Variants in DLGAP2 observed in about 807,000 individuals in gnomAD.
DLGAP2 encodes the protein disks large-associated protein 2.
A neutral mutation model predicts 100.3 loss-of-function variants in DLGAP2; 26 were observed. The observed-to-expected ratio is 0.26, with a 90% confidence interval of 0.19 to 0.36. The LOEUF is 0.36. Among genes scored for constraint, DLGAP2 ranks in the 10% least tolerant of loss-of-function variants. The probability of loss-of-function intolerance (pLI) is 1.00; values close to 1 mark genes in which losing one functional copy is unlikely to be tolerated. For synonymous variants in DLGAP2, 886 were observed against 630.1 expected (o/e 1.41, Z -6.08); for missense variants, 1,858 against 1,453.2 (o/e 1.28, Z -4.53).
chr8:1,252,072 C>T (rs189908792), intron 2 of DLGAP2, among the ~76,000 whole-genome samples: 8 of 138,322 alleles, frequency 5.8e-5, no homozygotes, highest in East Asian at 4.2e-4. Context: ...ACTGTGTTGT[C>T]GTGTGGGTGT....
intron 2 of DLGAP2, among the ~76,000 whole-genome samples, chr8:1,199,126 A>G (rs1797815671): frequency 6.6e-6 from 1 of 152,260 alleles, no homozygotes; most frequent in East Asian, 1.9e-4. Context: ...ACACACATAC[A>G]CACAACAACA....
rs575138989 is a variant in DLGAP2 at position 1,315,965 on chromosome 8, C to T, written c.106+57082C>T. On this transcript the variant is annotated intron_variant, in intron 3 of 14. Coordinates refer to ENST00000637795, the MANE Select transcript of DLGAP2 (RefSeq NM_001346810.2). The stretch of plus-strand genomic sequence containing the variant: ...CCAACAGTGGTCTACACTCGAGAAA[C>T]TTCGCAGCTTTTAAAAATAGAGGCT... Among the ~76,000 whole-genome samples the T allele has an allele frequency of 5.1e-3, 697 of 135,568 alleles. 27 individuals carry two copies. The highest frequency in any genetic ancestry group is 0.018 in the African/African-American group (673 of 38,124). The allele number at this position is 135,568 out of a possible 152,430, so 88.9% of individuals were successfully genotyped here. A position where few individuals can be genotyped will look rare whatever the true frequency, so the allele number is the denominator to read the frequency against.
intron 3 of DLGAP2, among the ~76,000 whole-genome samples, chr8:1,357,734 G>A (rs1184911039): frequency 2.6e-5 from 4 of 152,334 alleles, no homozygotes; most frequent in Admixed American, 1.3e-4. Context: ...CACACCAGAA[G>A]CCTCCAGCAA....
At chr8:1,293,616 A>G (rs1800107194) in intron 3 of DLGAP2, among the ~76,000 whole-genome samples, 1 of 152,196 alleles carries the variant, frequency 6.6e-6, no homozygotes, top group East Asian at 1.9e-4. Flanking sequence ...TCAGCCATTA[A>G]CCTCCAATTT....
chr8:1,025,944 AGCACCTGGGAC>A (rs1801785833), intron 2 of DLGAP2, among the ~76,000 whole-genome samples: 1 of 152,188 alleles, frequency 6.6e-6, no homozygotes, highest in Non-Finnish European at 1.5e-5. Flanking sequence ...GGGAGCAGGG[AGCACCTGGGAC>A]GCACATCTGG....
intron 2 of DLGAP2, among the ~76,000 whole-genome samples, chr8:1,109,122 C>T (rs1287415266): frequency 2.1e-5 from 2 of 95,564 alleles, no homozygotes; most frequent in African/African-American, 7.9e-5. Context: ...GAGGTGTGCA[C>T]GTGCCTATGA....
At chr8:1,096,652 G>A (rs912269107) in intron 2 of DLGAP2, among the ~76,000 whole-genome samples, 4 of 149,314 alleles carry the variant, frequency 2.7e-5, no homozygotes, top group African/African-American at 9.9e-5. Flanking sequence ...GCTCAGTAGA[G>A]TGGAGCTGGG....
intron 2 of DLGAP2, among the ~76,000 whole-genome samples, chr8:974,415 A>G (rs1222493747): frequency 6.6e-6 from 1 of 152,246 alleles, no homozygotes. Flanking sequence ...AATTCTGTCT[A>G]TAGATGACTT....
chr8:973,614 G>A (rs1800079815), intron 2 of DLGAP2, among the ~76,000 whole-genome samples: 2 of 152,256 alleles, frequency 1.3e-5, no homozygotes, highest in Admixed American at 1.3e-4. Context: ...GCAGGCGGCT[G>A]GGAGGTGGAG....
intron 1 of DLGAP2, among the ~76,000 whole-genome samples, chr8:816,093 G>A (rs552895450): frequency 1.3e-5 from 2 of 152,140 alleles, no homozygotes; most frequent in Non-Finnish European, 2.9e-5. Flanking sequence ...TTAAGTTTAT[G>A]TGAGTCCTTA....
intron 8 of DLGAP2, among the ~76,000 whole-genome samples, chr8:1,642,741 C>G (rs367631811): frequency 4.4e-5 from 1 of 22,644 alleles, no homozygotes; most frequent in African/African-American, 6.4e-5. Flanking sequence ...GTGTCACCCT[C>G]GAACCCGCCG....
chr8:911,316 G>A lies in DLGAP2; in HGVS notation c.73+3350G>A, dbSNP rs113897771. ...ATGCTGGAGAATCTTGGAAGGATGC[G>A]TGTATATGTTGGAAGGACGCATGTA... is the stretch of plus-strand genomic sequence containing the variant. On this transcript the variant is annotated intron_variant, in intron 2 of 14. Transcript: ENST00000637795. Among the ~76,000 whole-genome samples, 224 of 151,524 alleles carry A rather than the reference G, an allele frequency of 1.5e-3. 2 individuals are homozygous for A. The highest frequency in any genetic ancestry group is 4.8e-3 in the African/African-American group (198 of 41,308).
intron 12 of DLGAP2, among the ~76,000 whole-genome samples, chr8:1,682,555 A>G (rs1413051114): frequency 6.6e-6 from 1 of 151,800 alleles, no homozygotes; most frequent in African/African-American, 2.4e-5. Context: ...GCTCACTGCA[A>G]CCTCAGCCTC....
chr8:1,227,949 T>A (rs1798455529), intron 2 of DLGAP2, among the ~76,000 whole-genome samples: 1 of 152,230 alleles, frequency 6.6e-6, no homozygotes, highest in Non-Finnish European at 1.5e-5. Context: ...AGATGATGGA[T>A]ATGTTATTTT....
chr8:773,847 C>A (rs1821435619), intron 1 of DLGAP2, among the ~76,000 whole-genome samples: 3 of 152,148 alleles, frequency 2.0e-5, no homozygotes. Context: ...ATTTATAGTC[C>A]TTTGGGTATA....
At chr8:1,417,727 A>ACGGGGAGGCCACACTCCTGCGTCACT in intron 3 of DLGAP2, among the ~76,000 whole-genome samples, 1 of 111,516 alleles carries the variant, frequency 9.0e-6, no homozygotes, top group Non-Finnish European at 2.0e-5. Flanking sequence ...GAGGCTCCAG[A>ACGGGGAGGCCACACTCCTGCGTCACT]CACAGAAGCC....
At chr8:865,594 T>G (rs1797479332) in intron 1 of DLGAP2, among the ~76,000 whole-genome samples, 1 of 152,192 alleles carries the variant, frequency 6.6e-6, no homozygotes, top group Admixed American at 6.5e-5. Flanking sequence ...ATTGCTCACC[T>G]CTCTCCAGCA....
intron 2 of DLGAP2, among the ~76,000 whole-genome samples, chr8:1,000,705 C>T (rs753081465): frequency 6.6e-6 from 1 of 152,182 alleles, no homozygotes; most frequent in Non-Finnish European, 1.5e-5. Context: ...AAATTCTTCT[C>T]CAAGGTATTT....
intron 2 of DLGAP2, among the ~76,000 whole-genome samples, chr8:1,247,319 A>C (rs1375293206): frequency 1.9e-5 from 2 of 103,950 alleles, no homozygotes; most frequent in Non-Finnish European, 3.9e-5. Context: ...TCAGTGTGGG[A>C]GTGATGGTCC....
Sources: gnomAD v4.1 joint callset for allele counts (sites outside exome capture counted in the v4.1 genomes callset) on GRCh38, gnomAD v4.1.1 for gene constraint, MANE v1.5 for transcripts, NCBI Gene and HGNC (gene_info 2026-07-23, HGNC 2026-07-21) for gene names.